Variants in LCOR observed in about 807,000 individuals in gnomAD.
LCOR encodes ligand dependent nuclear receptor corepressor, also known as ligand-dependent corepressor.
Under a neutral mutation model 64.4 loss-of-function variants are expected in LCOR, and 14 were observed. The ratio of observed to expected loss-of-function variants is 0.22; its 90% CI spans 0.14 to 0.34. The LOEUF (loss-of-function observed/expected upper bound fraction) is 0.34, where lower values mean the gene tolerates loss of function less well. Among genes scored for constraint, LCOR ranks in the 10% least tolerant of loss-of-function variants. The probability of loss-of-function intolerance (pLI) is 1.00; values close to 1 mark genes in which losing one functional copy is unlikely to be tolerated. For missense variants in LCOR, 1,686 were observed against 1,765.3 expected (o/e 0.96, Z 0.80); for synonymous variants, 643 against 642.5 (o/e 1.00, Z -0.01).
chr10:96,915,679 G>T, intron 4 of LCOR: 1 of 776,776 alleles, frequency 1.3e-6, no homozygotes, highest in Non-Finnish European at 2.3e-6. Flanking sequence ...GTCTGATTTG[G>T]CATTTCCCAT....
chr10:96,943,486 A>C (rs548806421), intron 4 of LCOR, among the ~76,000 whole-genome samples: 5 of 152,368 alleles, frequency 3.3e-5, no homozygotes, highest in Non-Finnish European at 5.9e-5. Context: ...CATGCAGTGC[A>C]TTCTATTTTT....
intron 7 of LCOR, among the ~76,000 whole-genome samples, chr10:96,978,378 G>T (rs1040710798): frequency 2.0e-5 from 3 of 152,190 alleles, no homozygotes; most frequent in African/African-American, 7.2e-5. Flanking sequence ...CTTTTACTAA[G>T]TCCACTTTAC....
intron 2 of LCOR, among the ~76,000 whole-genome samples, chr10:96,880,392 T>TTTTTG (rs542329389): frequency 5.4e-4 from 82 of 152,270 alleles, no homozygotes; most frequent in African/African-American, 1.5e-3. Context: ...TATTCCTTGT[T>TTTTTG]TTTTGTTTTG....
chr10:96,894,028 A>T (rs951028870), intron 2 of LCOR, among the ~76,000 whole-genome samples: 1 of 152,208 alleles, frequency 6.6e-6, no homozygotes, highest in African/African-American at 2.4e-5. Context: ...AACAGCTGGA[A>T]GGGACTTTTG....
Position 96,990,869 on chromosome 10 carries a change from T to C in LCOR, c.*5735T>C, listed in dbSNP as rs1012890516. Reference sequence around the variant, plus strand: ...GGTGAGCACAGACACACATACTTTCTCCCCTAGCTGGGACCATCCCACACG... The same window carrying C: ...GGTGAGCACAGACACACATACTTTCCCCCCTAGCTGGGACCATCCCACACG... On this transcript the variant is annotated 3_prime_UTR_variant, in exon 8 of 8. Transcript: ENST00000421806. 3.3e-5 allele frequency: 5 copies of C among 152,002 alleles called. No individual in the cohort carries two copies. Among genetic ancestry groups the C allele is most frequent in the Admixed American group, 2.0e-4 (3 of 15,266 alleles). 9.4% of individuals were successfully genotyped at this position (152,002 alleles called of 1,614,324 possible). A position where few individuals can be genotyped will look rare whatever the true frequency, so the allele number is the denominator to read the frequency against.
chr10:96,938,798 TACA>T, intron 4 of LCOR, among the ~76,000 whole-genome samples: 1 of 152,276 alleles, frequency 6.6e-6, no homozygotes, highest in South Asian at 2.1e-4. Context: ...TCAAAAATAA[TACA>T]ACACTTAGGA....
In LCOR at chr10:96,992,158, G is replaced by A. The variant is rs1400682443; in HGVS notation, c.*7024G>A. 3 of 151,902 alleles carry A rather than the reference G, an allele frequency of 2.0e-5. No individual in the cohort carries two copies. Among genetic ancestry groups the A allele is most frequent in the Non-Finnish European group, 4.4e-5 (3 of 67,938 alleles). 9.4% of individuals were successfully genotyped at this position (151,902 alleles called of 1,614,324 possible). A position where few individuals can be genotyped will look rare whatever the true frequency, so the allele number is the denominator to read the frequency against. On this transcript the variant is annotated 3_prime_UTR_variant, in exon 8 of 8. Transcript: ENST00000421806. ...TATTTTTAGAGTCACTATAGCTTAA[G>A]GTTATTGATTTCACTAGTGTGGTTT...
rs368458416 is a variant in LCOR at position 96,984,834 on chromosome 10, G to C, written c.4374G>C (p.Lys1458Asn). 1 of 1,614,086 alleles carries C rather than the reference G, an allele frequency of 6.2e-7. No individual in the cohort carries two copies. Among genetic ancestry groups the C allele is most frequent in the Non-Finnish European group, 8.5e-7 (1 of 1,180,016 alleles). ...KKTSLKENKVKIPKKSAGKSC... is the reference protein window; with the variant it reads ...KKTSLKENKVNIPKKSAGKSC... Reference sequence around the variant, plus strand: ...CGTCTTTGAAAGAGAATAAAGTGAAGATCCCTAAAAAGTCCGCTGGGAAGA... The same window carrying C: ...CGTCTTTGAAAGAGAATAAAGTGAACATCCCTAAAAAGTCCGCTGGGAAGA... The change falls in exon 8 of 8, where the codon AAG becomes AAC. Residue 1458 changes from lysine to asparagine, a missense_variant. Transcript: ENST00000421806.
chr10:96,942,561 GTGTT>G, intron 4 of LCOR, among the ~76,000 whole-genome samples: 1 of 152,162 alleles, frequency 6.6e-6, no homozygotes, highest in Non-Finnish European at 1.5e-5. Flanking sequence ...TTATATAGCA[GTGTT>G]TAAGGATCAT....
intron 2 of LCOR, among the ~76,000 whole-genome samples, chr10:96,890,941 A>G (rs1442694998): frequency 6.6e-6 from 1 of 152,108 alleles, no homozygotes. Flanking sequence ...TTTGTTTGCT[A>G]GTATTTTCTT....
At chr10:96,952,070 A>G in intron 6 of LCOR, 33 bp from the exon 7 acceptor site, 2 of 1,499,466 alleles carry the variant, frequency 1.3e-6, no homozygotes, top group Non-Finnish European at 1.9e-6. Flanking sequence ...CCTAGCTTTT[A>G]ATATCCTCAG....
chr10:96,835,626 G>A (rs1449900941), intron 2 of LCOR, among the ~76,000 whole-genome samples: 1 of 152,130 alleles, frequency 6.6e-6, no homozygotes, highest in East Asian at 1.9e-4. Context: ...AGTGGGATTG[G>A]TTCTAAACGG....
chr10:96,892,173 C>T (rs1481322123), intron 2 of LCOR, among the ~76,000 whole-genome samples: 1 of 152,068 alleles, frequency 6.6e-6, no homozygotes, highest in African/African-American at 2.4e-5. Context: ...TTGTACCACC[C>T]ATTATTGAAA....
intron 2 of LCOR, among the ~76,000 whole-genome samples, chr10:96,855,055 A>C (rs1845780234): frequency 6.6e-6 from 1 of 152,118 alleles, no homozygotes; most frequent in African/African-American, 2.4e-5. Flanking sequence ...GATTTGGATG[A>C]GGCTGACTTA....
At chr10:96,950,468 C>T (rs1240317477) in intron 6 of LCOR, among the ~76,000 whole-genome samples, 1 of 152,082 alleles carries the variant, frequency 6.6e-6, no homozygotes, top group Non-Finnish European at 1.5e-5. Context: ...AAGATCTCCT[C>T]ACTCTAAATA....
intron 2 of LCOR, among the ~76,000 whole-genome samples, chr10:96,868,172 C>T (rs1483028059): frequency 6.6e-6 from 1 of 152,080 alleles, no homozygotes; most frequent in East Asian, 1.9e-4. Context: ...GCGTGAGCCA[C>T]CGCACCGGGC....
intron 4 of LCOR, among the ~76,000 whole-genome samples, chr10:96,918,255 G>C (rs1009841127): frequency 6.6e-6 from 1 of 152,074 alleles, no homozygotes; most frequent in Non-Finnish European, 1.5e-5. Flanking sequence ...AATGACAGGG[G>C]GGATGGGTTG....
intron 4 of LCOR, among the ~76,000 whole-genome samples, chr10:96,929,187 T>C (rs896437104): frequency 6.6e-6 from 1 of 152,240 alleles, no homozygotes; most frequent in African/African-American, 2.4e-5. Context: ...CTTGAAGCTT[T>C]GAAGCCAGGC....
intron 2 of LCOR, among the ~76,000 whole-genome samples, chr10:96,879,294 G>T (rs1846221506): frequency 6.6e-6 from 1 of 152,160 alleles, no homozygotes; most frequent in African/African-American, 2.4e-5. Flanking sequence ...ACTAGGACTT[G>T]AACCCACCCC....
Sources: allele counts gnomAD v4.1 joint callset (sites outside exome capture counted in the v4.1 genomes callset), GRCh38; gene constraint gnomAD v4.1.1; transcripts MANE v1.5; gene names NCBI Gene and HGNC (gene_info 2026-07-23, HGNC 2026-07-21).